Variants in PALLD observed in about 807,000 individuals in gnomAD.
PALLD encodes palladin.
Under a neutral mutation model 123.5 loss-of-function variants are expected in PALLD, and 61 were observed. That is an observed-to-expected ratio of 0.49 (90% CI 0.40 to 0.61). The LOEUF (loss-of-function observed/expected upper bound fraction) is 0.61, where lower values mean the gene tolerates loss of function less well. PALLD is among the 20% of genes least tolerant of loss of function. The pLI is 0.00. For missense variants in PALLD, 1,273 were observed against 1,377.0 expected, an observed-to-expected ratio of 0.92 and a Z score of 1.20; for synonymous variants, 465 against 496.4, an observed-to-expected ratio of 0.94 and a Z score of 0.84.
In PALLD at chr4:168,690,705, G is replaced by A. The variant is rs1188004845; in HGVS notation, c.1438G>A (p.Glu480Lys). The A allele has an allele frequency of 6.2e-7, 1 of 1,614,186 alleles. No individual in the cohort carries two copies. Among genetic ancestry groups the A allele is most frequent in the East Asian group, 2.2e-5 (1 of 44,886 alleles). ...GGTCCAGTGGTTTCGGCAAGGGAGT[G>A]AAATCCAAGACTCTCCAGATTTCCG... Reference protein sequence around the residue: ...LQVQWFRQGSEIQDSPDFRIL... With the variant: ...LQVQWFRQGSKIQDSPDFRIL... The change falls in exon 7 of 22, where the codon GAA becomes AAA. Residue 480 changes from glutamate (E) to lysine (K), a missense_variant. By Grantham distance (56) the Glu-to-Lys change is moderately conservative (BLOSUM62 1). Coordinates refer to ENST00000505667, the MANE Select transcript of PALLD (RefSeq NM_001166108.2).
At chr4:168,742,875 G>C (rs1248620479) in intron 10 of PALLD, among the ~76,000 whole-genome samples, 1 of 152,162 alleles carries the variant, frequency 6.6e-6, no homozygotes, top group African/African-American at 2.4e-5. Flanking sequence ...ATTTCCTTCA[G>C]ACTACAAAGA....
chr4:168,889,115 A>C (rs537578062), intron 10 of PALLD, among the ~76,000 whole-genome samples: 1 of 136,262 alleles, frequency 7.3e-6, no homozygotes, highest in East Asian at 2.2e-4. Context: ...TTTGGCAGTA[A>C]AGTTTTGTTT....
At chr4:168,516,076 G>A (rs1428626419) in intron 2 of PALLD, among the ~76,000 whole-genome samples, 1 of 152,132 alleles carries the variant, frequency 6.6e-6, no homozygotes, top group African/African-American at 2.4e-5. Flanking sequence ...AAACAGGACT[G>A]AAAATATGTT....
intron 2 of PALLD, among the ~76,000 whole-genome samples, chr4:168,538,665 G>A (rs931143232): frequency 6.6e-6 from 1 of 152,000 alleles, no homozygotes; most frequent in African/African-American, 2.4e-5. Flanking sequence ...AATTACATTG[G>A]GAATGCTTTT....
chr4:168,687,081 A>G (rs1416844545), intron 6 of PALLD, among the ~76,000 whole-genome samples: 1 of 152,214 alleles, frequency 6.6e-6, no homozygotes, highest in African/African-American at 2.4e-5. Context: ...AACAATTCCT[A>G]GTAAACTAAA....
intron 10 of PALLD, among the ~76,000 whole-genome samples, chr4:168,808,975 G>A (rs1268598506): frequency 6.6e-6 from 1 of 152,140 alleles, no homozygotes. Flanking sequence ...GCAGTGGGTG[G>A]ACTACCATCT....
At chr4:168,744,397 C>T (rs1788656094) in intron 10 of PALLD, among the ~76,000 whole-genome samples, 1 of 152,188 alleles carries the variant, frequency 6.6e-6, no homozygotes, top group Non-Finnish European at 1.5e-5. Context: ...AGGGTGCCTG[C>T]ACATCCTCCA....
intron 10 of PALLD, among the ~76,000 whole-genome samples, chr4:168,833,774 C>T (rs1325471068): frequency 2.7e-5 from 4 of 150,682 alleles, no homozygotes; most frequent in Admixed American, 2.6e-4. Flanking sequence ...TTTTTTCCCC[C>T]TTCAGACTTG....
intron 2 of PALLD, among the ~76,000 whole-genome samples, chr4:168,630,431 T>A (rs374054549): frequency 3.6e-4 from 55 of 152,120 alleles, no homozygotes; most frequent in Admixed American, 5.2e-4. Context: ...GAGCGGAAAA[T>A]TTAATAAGGA....
At chr4:168,505,857 G>A (rs998676585) in intron 1 of PALLD, among the ~76,000 whole-genome samples, 6 of 152,086 alleles carry the variant, frequency 3.9e-5, no homozygotes, top group African/African-American at 1.4e-4. Flanking sequence ...CTATAGAAGG[G>A]GTTGGCAATT....
chr4:168,847,192 A>G (rs1183118240), intron 10 of PALLD, among the ~76,000 whole-genome samples: 6 of 152,216 alleles, frequency 3.9e-5, no homozygotes, highest in African/African-American at 9.7e-5. Context: ...CTTTGACCCA[A>G]TAATCTCATT....
intron 10 of PALLD, among the ~76,000 whole-genome samples, chr4:168,767,754 T>A (rs1313741012): frequency 6.6e-6 from 1 of 152,066 alleles, no homozygotes; most frequent in Non-Finnish European, 1.5e-5. Context: ...TCTATGTTGG[T>A]TAGGCTGGTC....
intron 8 of PALLD, among the ~76,000 whole-genome samples, chr4:168,697,421 G>A (rs1007203770): frequency 1.3e-5 from 2 of 152,200 alleles, no homozygotes; most frequent in Admixed American, 1.3e-4. Flanking sequence ...AGGAATGAAG[G>A]GCAAGTTCAG....
chr4:168,702,023 C>T (rs1023932096), intron 8 of PALLD, among the ~76,000 whole-genome samples: 1 of 152,182 alleles, frequency 6.6e-6, no homozygotes, highest in African/African-American at 2.4e-5. Context: ...ATATTGCCCT[C>T]CCCTTGTGCA....
chr4:168,646,176 C>T (rs1380727014), intron 2 of PALLD, among the ~76,000 whole-genome samples: 6 of 152,112 alleles, frequency 3.9e-5, no homozygotes, highest in South Asian at 2.1e-4. Context: ...AGCTTTCCCA[C>T]GAAAAAGAAG....
intron 2 of PALLD, among the ~76,000 whole-genome samples, chr4:168,623,450 C>A (rs1466323336): frequency 6.6e-6 from 1 of 152,224 alleles, no homozygotes; most frequent in Non-Finnish European, 1.5e-5. Flanking sequence ...TGGCATCTCA[C>A]AAAGCACCAG....
intron 10 of PALLD, among the ~76,000 whole-genome samples, chr4:168,724,215 C>T (rs1786318952): frequency 6.6e-6 from 1 of 152,306 alleles, no homozygotes; most frequent in South Asian, 2.1e-4. Flanking sequence ...CTCTCTAATT[C>T]ATATTTGCTT....
chr4:168,823,896 G>A (rs575958313), intron 10 of PALLD, among the ~76,000 whole-genome samples: 4 of 152,312 alleles, frequency 2.6e-5, no homozygotes, highest in East Asian at 1.9e-4. Context: ...GAGAATTTTT[G>A]TCAGACCAGT....
At chr4:168,690,802 A>G in intron 7 of PALLD, 58 bp downstream of exon 7, 1 of 1,557,996 alleles carries the variant, frequency 6.4e-7, no homozygotes, top group South Asian at 1.1e-5. Flanking sequence ...CAGCTTCAAG[A>G]AAACCAAGAA....
Sources: allele counts gnomAD v4.1 joint callset (sites outside exome capture counted in the v4.1 genomes callset), GRCh38; gene constraint gnomAD v4.1.1; transcripts MANE v1.5; gene names NCBI Gene and HGNC (gene_info 2026-07-23, HGNC 2026-07-21).